Variants in ASIC2 observed in about 807,000 individuals in gnomAD.
ASIC2 encodes acid-sensing ion channel 2.
A neutral mutation model predicts 57.3 loss-of-function variants in ASIC2; 25 were observed. The ratio of observed to expected loss-of-function variants is 0.44; its 90% CI spans 0.32 to 0.61. The LOEUF is 0.61. ASIC2 is among the 20% of genes least tolerant of loss of function. The pLI is 0.06. For missense variants in ASIC2, 641 were observed against 738.1 expected (o/e 0.87, Z 1.52); for synonymous variants, 319 against 307.5 (o/e 1.04, Z -0.39).
chr17:33,074,480 C>A (rs949417936), intron 3 of ASIC2, among the ~76,000 whole-genome samples: 1 of 152,122 alleles, frequency 6.6e-6, no homozygotes, highest in Admixed American at 6.5e-5. Context: ...GCTGACCTTC[C>A]TTCCCGAGCA....
Position 33,462,820 on chromosome 17 carries a change from T to C in ASIC2, c.556-350753A>G, listed in dbSNP as rs1055965159. 2.0e-5 allele frequency among the ~76,000 whole-genome samples: 3 copies of C among 152,190 alleles called. No homozygotes were observed. The South Asian group carries it at 6.2e-4, about 32-fold the overall frequency. ...CCCCAGTGAATGCCCATATGATATG[T>C]AGTTAGTGTTTCCCTGCTAGGCCTT... On this transcript the variant is annotated intron_variant, in intron 1 of 9. Coordinates refer to the ASIC2 transcript ENST00000359872.
intron 1 of ASIC2, among the ~76,000 whole-genome samples, chr17:33,187,498 C>G (rs998979950): frequency 6.6e-6 from 1 of 152,084 alleles, no homozygotes; most frequent in Non-Finnish European, 1.5e-5. Flanking sequence ...TGTAATGGTT[C>G]CTATTTTGCT....
intron 3 of ASIC2, among the ~76,000 whole-genome samples, chr17:33,041,953 G>A (rs529025854): frequency 6.6e-6 from 1 of 152,256 alleles, no homozygotes; most frequent in East Asian, 1.9e-4. Flanking sequence ...TGCCTTGTCA[G>A]CTCCCCTCTT....
intron 1 of ASIC2, among the ~76,000 whole-genome samples, chr17:33,599,651 G>A (rs1032277327): frequency 2.6e-5 from 4 of 152,190 alleles, no homozygotes; most frequent in Non-Finnish European, 5.9e-5. Context: ...CTGAACACAG[G>A]CCAGTGTGGC....
chr17:34,101,136 G>GCTAGGAATAA (rs1253957391), intron 1 of ASIC2, among the ~76,000 whole-genome samples: 1 of 152,136 alleles, frequency 6.6e-6, no homozygotes, highest in Non-Finnish European at 1.5e-5. Flanking sequence ...TTTCCTAAAT[G>GCTAGGAATAA]TTCCCCCGCC....
chr17:33,662,624 AAAATAAATAAATAAATAAATAAAT>A (rs71144895), intron 1 of ASIC2, among the ~76,000 whole-genome samples: 1 of 85,746 alleles, frequency 1.2e-5, no homozygotes, highest in Non-Finnish European at 2.2e-5. Flanking sequence ...CTCTGTCTCA[AAAATAAATAAATAAATAAATAAAT>A]AAATAAATAA....
At chr17:33,591,145 G>A (rs556230500) in intron 1 of ASIC2, among the ~76,000 whole-genome samples, 46 of 152,324 alleles carry the variant, frequency 3.0e-4, no homozygotes, top group African/African-American at 1.1e-3. Flanking sequence ...CTACTTTTAA[G>A]TAACTCCTTT....
intron 1 of ASIC2, among the ~76,000 whole-genome samples, chr17:33,836,278 G>GT (rs1913273202): frequency 6.6e-6 from 1 of 151,252 alleles, no homozygotes; most frequent in Admixed American, 6.6e-5. Flanking sequence ...CACTTAGCTA[G>GT]TTTTTTGTAT....
chr17:33,304,734 A>G (rs1471146088), intron 1 of ASIC2, among the ~76,000 whole-genome samples: 2 of 152,152 alleles, frequency 1.3e-5, no homozygotes, highest in African/African-American at 4.8e-5. Context: ...TAGATACATG[A>G]CCAGAGAGTG....
At chr17:33,699,205 C>T (rs754558372) in intron 1 of ASIC2, among the ~76,000 whole-genome samples, 1 of 152,164 alleles carries the variant, frequency 6.6e-6, no homozygotes, top group Non-Finnish European at 1.5e-5. Flanking sequence ...GTGGAGAAGA[C>T]ATGTTTAATT....
At chr17:34,038,365 T>C in intron 1 of ASIC2, 1 of 1,611,102 alleles carries the variant, frequency 6.2e-7, no homozygotes. Flanking sequence ...GCTTAACTAT[T>C]CTGGGATGGT....
intron 1 of ASIC2, among the ~76,000 whole-genome samples, chr17:33,336,345 T>G (rs1234971481): frequency 1.3e-5 from 2 of 151,938 alleles, no homozygotes; most frequent in Non-Finnish European, 2.9e-5. Context: ...TATTTAAAAT[T>G]TGGATGACCA....
In ASIC2 at chr17:33,292,045, C is replaced by A; in HGVS notation, c.71G>T (p.Arg24Leu). 8.8e-7 allele frequency: 1 copy of A among 1,138,634 alleles called. No individual in the cohort carries two copies. Among genetic ancestry groups the A allele is most frequent in the Admixed American group, 5.0e-5 (1 of 20,032 alleles). 70.5% of individuals were successfully genotyped at this position (1,138,634 alleles called of 1,614,324 possible). The change falls in exon 1 of 10, where the codon CGC becomes CTC. Residue 24 changes from arginine to leucine, a missense_variant. Arg to Leu is a moderately radical substitution (Grantham distance 102). Coordinates refer to ENST00000225823, the MANE Select transcript of ASIC2 (RefSeq NM_183377.2). ...LTGPGRFRMAREEPAPAALAA... is the reference protein window; with the variant it reads ...LTGPGRFRMALEEPAPAALAA... ...CAACGCCGCGGGCGCCGGCTCCTCG[C>A]GGGCCATGCGGAAGCGTCCCGGGCC...
chr17:33,835,488 C>T (rs1477371847), intron 1 of ASIC2, among the ~76,000 whole-genome samples: 1 of 152,158 alleles, frequency 6.6e-6, no homozygotes, highest in East Asian at 1.9e-4. Flanking sequence ...CCCTCCTCCT[C>T]TCACCTGCAT....
chr17:33,729,202 C>T (rs896293084), intron 1 of ASIC2, among the ~76,000 whole-genome samples: 1 of 152,130 alleles, frequency 6.6e-6, no homozygotes, highest in Non-Finnish European at 1.5e-5. Context: ...GCTTGCAATC[C>T]TGGCAGAAGG....
At chr17:33,717,361 T>C (rs1436518700) in intron 1 of ASIC2, among the ~76,000 whole-genome samples, 1 of 151,854 alleles carries the variant, frequency 6.6e-6, no homozygotes, top group South Asian at 2.1e-4. Flanking sequence ...CTCTGTGGAG[T>C]TGGGCAAGGG....
At chr17:33,369,359 G>A (rs2141937472) in intron 1 of ASIC2, among the ~76,000 whole-genome samples, 1 of 152,320 alleles carries the variant, frequency 6.6e-6, no homozygotes, top group African/African-American at 2.4e-5. Flanking sequence ...ATTGGAACAA[G>A]CCCAGAGGTA....
chr17:33,535,996 G>T (rs1366667432), intron 1 of ASIC2, among the ~76,000 whole-genome samples: 3 of 152,158 alleles, frequency 2.0e-5, no homozygotes, highest in Non-Finnish European at 4.4e-5. Flanking sequence ...TTGTTTCCGA[G>T]GTGCATTCTC....
chr17:33,342,309 TGTGTGTGTGTGTACATGTGTGTGTGTAC>T (rs1232359203), intron 1 of ASIC2, among the ~76,000 whole-genome samples: 11 of 148,310 alleles, frequency 7.4e-5, no homozygotes, highest in South Asian at 6.3e-4. Context: ...GAGAGTCGAG[TGTGTGTGTGTGTACATGTGTGTGTGTAC>T]GTGTGTGTGT....
Sources: gnomAD v4.1 joint callset for allele counts (sites outside exome capture counted in the v4.1 genomes callset) on GRCh38, gnomAD v4.1.1 for gene constraint, MANE v1.5 for transcripts, NCBI Gene and HGNC (gene_info 2026-07-23, HGNC 2026-07-21) for gene names.